The following FHIT variants were observed in gnomAD, a reference collection of about 807,000 sequenced individuals.
FHIT encodes the protein bis(5'-adenosyl)-triphosphatase.
In FHIT, 19 loss-of-function variants were observed where a neutral mutation model predicts 17.9. The observed-to-expected ratio is 1.06, with a 90% CI of 0.74 to 1.56. The LOEUF (loss-of-function observed/expected upper bound fraction) is 1.56. Ranked by LOEUF, FHIT falls within the 40% of genes most tolerant of loss-of-function variation. The pLI is 0.00. For missense variants in FHIT, 248 were observed against 189.2 expected, an observed-to-expected ratio of 1.31 and a Z score of -1.82; for synonymous variants, 81 against 69.7, an observed-to-expected ratio of 1.16 and a Z score of -0.81.
intron 5 of FHIT, among the ~76,000 whole-genome samples, chr3:60,046,255 C>T (rs542871626): frequency 2.6e-5 from 4 of 152,186 alleles, no homozygotes; most frequent in African/African-American, 9.6e-5. Context: ...CCCAGTTTCA[C>T]CATTCTGCAG....
rs77761919 is a variant in FHIT at position 59,904,956 on chromosome 3, G to C, written c.348+17390C>G. Among the ~76,000 whole-genome samples, 461 of 152,326 alleles carry C rather than the reference G, an allele frequency of 3.0e-3. 2 individuals are homozygous for C. The highest frequency in any genetic ancestry group is 3.7e-3 in the Non-Finnish European group (254 of 68,034). ...GTAGAAAACCAATTAGGAAAGCGCA[G>C]GTATATGTAAAACAGGTGAAGGGTG... On this transcript the variant is annotated intron_variant, in intron 8 of 9. Transcript: ENST00000492590.
chr3:60,953,887 G>C (rs1709000000), intron 3 of FHIT, among the ~76,000 whole-genome samples: 1 of 152,170 alleles, frequency 6.6e-6, no homozygotes, highest in Non-Finnish European at 1.5e-5. Flanking sequence ...ATAGTTCTAT[G>C]AAGAGCATTT....
intron 4 of FHIT, among the ~76,000 whole-genome samples, chr3:60,736,207 G>A (rs2042129727): frequency 6.6e-6 from 1 of 152,090 alleles, no homozygotes; most frequent in Non-Finnish European, 1.5e-5. Flanking sequence ...ATTATAAAAT[G>A]GTGCTTCAAA....
chr3:59,902,139 C>T (rs912045768), intron 8 of FHIT, among the ~76,000 whole-genome samples: 18 of 152,092 alleles, frequency 1.2e-4, no homozygotes, highest in African/African-American at 2.2e-4. Flanking sequence ...AAATGAGCAA[C>T]GGACCCGCAT....
At chr3:59,948,205 G>A (rs1335573020) in intron 7 of FHIT, among the ~76,000 whole-genome samples, 1 of 151,976 alleles carries the variant, frequency 6.6e-6, no homozygotes, top group African/African-American at 2.4e-5. Context: ...TATACGTTTG[G>A]TTTTTAAGAA....
At chr3:60,619,267 A>G (rs2039044631) in intron 4 of FHIT, among the ~76,000 whole-genome samples, 1 of 152,204 alleles carries the variant, frequency 6.6e-6, no homozygotes, top group Non-Finnish European at 1.5e-5. Context: ...CGCATAAAAA[A>G]CTAAATGTGA....
intron 5 of FHIT, among the ~76,000 whole-genome samples, chr3:60,514,634 C>A (rs776955306): frequency 1.3e-5 from 2 of 152,008 alleles, no homozygotes; most frequent in Non-Finnish European, 2.9e-5. Flanking sequence ...CACATGTATC[C>A]CAGAACTTAA....
chr3:60,907,664 T>C (rs1010924107), intron 3 of FHIT, among the ~76,000 whole-genome samples: 2 of 152,160 alleles, frequency 1.3e-5, no homozygotes, highest in Non-Finnish European at 2.9e-5. Flanking sequence ...ATGCAAATGA[T>C]TTTTTAAAGT....
intron 4 of FHIT, among the ~76,000 whole-genome samples, chr3:60,551,200 G>A (rs1238607786): frequency 2.6e-5 from 4 of 151,794 alleles, no homozygotes; most frequent in African/African-American, 9.7e-5. Flanking sequence ...TGAAAGATGA[G>A]CAGGGATCAG....
intron 5 of FHIT, among the ~76,000 whole-genome samples, chr3:60,456,423 C>G (rs2032098456): frequency 1.3e-5 from 2 of 152,182 alleles, no homozygotes; most frequent in African/African-American, 4.8e-5. Context: ...ATAATTGTCA[C>G]TTCTGCAAGG....
intron 2 of FHIT, among the ~76,000 whole-genome samples, chr3:61,079,010 A>G (rs1274026352): frequency 6.6e-6 from 1 of 152,200 alleles, no homozygotes; most frequent in African/African-American, 2.4e-5. Flanking sequence ...TTAGAAAAAA[A>G]AAGATGGTCA....
intron 5 of FHIT, among the ~76,000 whole-genome samples, chr3:60,407,662 G>A (rs920736525): frequency 6.6e-5 from 10 of 152,154 alleles, no homozygotes; most frequent in South Asian, 4.2e-4. Flanking sequence ...TTACAAGTGT[G>A]TGCCACCAGG....
intron 7 of FHIT, among the ~76,000 whole-genome samples, chr3:60,005,912 A>T (rs1699905224): frequency 6.6e-6 from 1 of 152,138 alleles, no homozygotes; most frequent in South Asian, 2.1e-4. Flanking sequence ...TTGGGTTGAG[A>T]GCAGCAGCCC....
At chr3:61,140,499 C>T (rs796808711) in intron 2 of FHIT, among the ~76,000 whole-genome samples, 4 of 152,136 alleles carry the variant, frequency 2.6e-5, no homozygotes, top group African/African-American at 7.2e-5. Flanking sequence ...AATCAAAGGG[C>T]GTGGGTAATC....
chr3:61,155,989 C>T (rs550180607), intron 2 of FHIT, among the ~76,000 whole-genome samples: 13 of 152,296 alleles, frequency 8.5e-5, no homozygotes, highest in Admixed American at 7.2e-4. Context: ...AGAGTATCTA[C>T]GTGACCAGCC....
chr3:60,896,764 G>C (rs534535874), intron 3 of FHIT, among the ~76,000 whole-genome samples: 8 of 152,106 alleles, frequency 5.3e-5, no homozygotes, highest in Admixed American at 2.0e-4. Flanking sequence ...TATATAGTTA[G>C]GTTCATTTAC....
intron 3 of FHIT, among the ~76,000 whole-genome samples, chr3:60,869,419 G>A (rs112545814): frequency 0.017 from 2,631 of 152,138 alleles, 73 homozygotes; most frequent in African/African-American, 0.059. Flanking sequence ...AGGAACTCAG[G>A]GAATACAGCC....
chr3:60,402,972 G>A (rs1427692718), intron 5 of FHIT, among the ~76,000 whole-genome samples: 1 of 152,150 alleles, frequency 6.6e-6, no homozygotes, highest in Non-Finnish European at 1.5e-5. Flanking sequence ...TCATGCTCAT[G>A]CCCAGAACAA....
intron 5 of FHIT, among the ~76,000 whole-genome samples, chr3:60,033,730 T>G (rs563044377): frequency 8.5e-5 from 13 of 152,344 alleles, no homozygotes; most frequent in African/African-American, 3.1e-4. Context: ...CAGGCCATCC[T>G]TTGTATTGTT....
Sources: allele counts gnomAD v4.1 joint callset (sites outside exome capture counted in the v4.1 genomes callset), GRCh38; gene constraint gnomAD v4.1.1; transcripts MANE v1.5; gene names NCBI Gene and HGNC (gene_info 2026-07-23, HGNC 2026-07-21).